The following GFOD1 variants were observed in gnomAD, a reference collection of about 807,000 sequenced individuals.
GFOD1 encodes the protein Gfo/Idh/MocA-like oxidoreductase domain containing 1.
GFOD1 carries 9 observed loss-of-function variants against 25.4 expected under a neutral mutation model. The ratio of observed to expected loss-of-function variants is 0.35; its 90% CI spans 0.21 to 0.62. The LOEUF is 0.62. GFOD1 is among the 20% of genes least tolerant of loss of function. The probability of loss-of-function intolerance (pLI) is 0.72; values close to 1 mark genes in which losing one functional copy is unlikely to be tolerated. For synonymous variants in GFOD1, 253 were observed against 245.6 expected (o/e 1.03, Z -0.28); for missense variants, 403 against 556.9 (o/e 0.72, Z 2.78).
intron 1 of GFOD1, among the ~76,000 whole-genome samples, chr6:13,452,358 C>G (rs565872213): frequency 1.3e-5 from 2 of 152,318 alleles, no homozygotes; most frequent in South Asian, 4.1e-4. Context: ...AGGAACCACA[C>G]ACTTGAAGTA....
chr6:13,422,699 T>C lies in GFOD1; in HGVS notation c.254-57037A>G, dbSNP rs561375252. ...TCCATTCAGATCATTTCCATCTAAG[T>C]AGGAAGCCTGTGTTCACCCAGATAC... On this transcript the variant is annotated intron_variant, in intron 1 of 1. Coordinates refer to ENST00000379287, the MANE Select transcript of GFOD1 (RefSeq NM_018988.4). Among the ~76,000 whole-genome samples the C allele has an allele frequency of 5.9e-5, 9 of 152,300 alleles. No homozygotes were observed. The South Asian group carries it at 1.9e-3, about 32-fold the overall frequency.
chr6:13,409,938 A>G (rs1584635572), intron 1 of GFOD1, among the ~76,000 whole-genome samples: 1 of 35,938 alleles, frequency 2.8e-5, no homozygotes, highest in African/African-American at 3.9e-5. Context: ...AAAAAAAAAA[A>G]AAGAAAGAAA....
At chr6:13,400,225 G>A (rs1346060210) in intron 1 of GFOD1, among the ~76,000 whole-genome samples, 1 of 152,196 alleles carries the variant, frequency 6.6e-6, no homozygotes, top group Admixed American at 6.5e-5. Flanking sequence ...CACATTGGGG[G>A]TGGGATAAAT....
intron 1 of GFOD1, among the ~76,000 whole-genome samples, chr6:13,473,531 C>T (rs563273881): frequency 2.0e-5 from 3 of 152,150 alleles, no homozygotes; most frequent in Non-Finnish European, 4.4e-5. Flanking sequence ...ATTTGAGATA[C>T]GAAGGGAAAG....
At chr6:13,452,233 T>A (rs1435837806) in intron 1 of GFOD1, among the ~76,000 whole-genome samples, 2 of 152,042 alleles carry the variant, frequency 1.3e-5, no homozygotes, top group African/African-American at 4.8e-5. Flanking sequence ...CTGTAGTGGG[T>A]CAACTGGAGA....
chr6:13,462,494 C>A (rs760335447), intron 1 of GFOD1, among the ~76,000 whole-genome samples: 4 of 152,172 alleles, frequency 2.6e-5, no homozygotes, highest in Non-Finnish European at 5.9e-5. Flanking sequence ...ATCTTCAGTC[C>A]GGTCAACTGT....
intron 1 of GFOD1, among the ~76,000 whole-genome samples, chr6:13,478,498 G>A (rs1457448166): frequency 6.6e-6 from 1 of 152,176 alleles, no homozygotes; most frequent in Non-Finnish European, 1.5e-5. Flanking sequence ...CACTTTTCTT[G>A]GAGAGTGCAG....
At position 13,386,430 on chromosome 6, in the gene GFOD1, T is replaced by C. The variant is rs115186239; in HGVS notation, c.254-20768A>G. ...CTGACTGTGAAGGAATCTCGCGTAC[T>C]TCGGAGGACATGCGGCTGTCCCTGC... On this transcript the variant is annotated intron_variant, in intron 1 of 1. Transcript: ENST00000379287. 9.5e-3 allele frequency among the ~76,000 whole-genome samples: 1,444 copies of C among 152,276 alleles called. 27 individuals are homozygous for C. Among genetic ancestry groups the C allele is most frequent in the African/African-American group, 0.033 (1,364 of 41,562 alleles).
Position 13,365,283 on chromosome 6 carries a change from G to A in GFOD1, c.633C>T (p.Gly211=), listed in dbSNP as rs147742016. ...AGTCATCGCTGGTGATCTGTCGGATGCCCTTGATGTGGTCAGTCTGCTTCA... is the reference window on the plus strand; with the variant it reads ...AGTCATCGCTGGTGATCTGTCGGATACCCTTGATGTGGTCAGTCTGCTTCA... The part of the protein sequence containing the change: ...TFVKQTDHIK[G]IRQITSDDFC... The change falls in exon 2 of 2, where the codon GGC becomes GGT. Residue 211 remains glycine, a synonymous_variant. Coordinates refer to ENST00000379287, the MANE Select transcript of GFOD1 (RefSeq NM_018988.4). This position sits in a 1 kb window ranked among gnomAD's most constrained non-coding sequence, Gnocchi z 9.2. 50 of 1,614,094 alleles carry A rather than the reference G, an allele frequency of 3.1e-5. No homozygotes were observed. Among genetic ancestry groups the A allele is most frequent in the Admixed American group, 2.3e-4 (14 of 60,018 alleles).
rs902349332 is a variant in GFOD1 at position 13,386,370 on chromosome 6, G to A, written c.254-20708C>T. Among the ~76,000 whole-genome samples the A allele has an allele frequency of 3.3e-5, 5 of 152,044 alleles. No individual in the cohort carries two copies. The South Asian group carries it at 6.2e-4, about 19-fold the overall frequency. On this transcript the variant is annotated intron_variant, in intron 1 of 1. Coordinates refer to ENST00000379287, the MANE Select transcript of GFOD1 (RefSeq NM_018988.4). ...TACACCTGTGCACTAGATACACACC[G>A]CGTAGGTGAAAGCTGACTCCAGGTA...
At chr6:13,389,751 T>G (rs1319007048) in intron 1 of GFOD1, among the ~76,000 whole-genome samples, 1 of 152,104 alleles carries the variant, frequency 6.6e-6, no homozygotes, top group Non-Finnish European at 1.5e-5. Flanking sequence ...ACCCTAGAAC[T>G]TAAAGTATAA....
Position 13,384,815 on chromosome 6 carries a change from T to C in GFOD1, c.254-19153A>G, listed in dbSNP as rs192013082. Among the ~76,000 whole-genome samples the C allele has an allele frequency of 1.9e-3, 289 of 152,370 alleles. 1 individual carries two copies. Among genetic ancestry groups the C allele is most frequent in the African/African-American group, 6.5e-3 (272 of 41,592 alleles). On this transcript the variant is annotated intron_variant, in intron 1 of 1. Coordinates refer to ENST00000379287, the MANE Select transcript of GFOD1 (RefSeq NM_018988.4). ...TAATCAATTGCCTCTTAAAGGGCTTTTGCGTACAAATGAAGATAGAAAATT... is the reference window on the plus strand; with the variant it reads ...TAATCAATTGCCTCTTAAAGGGCTTCTGCGTACAAATGAAGATAGAAAATT...
At chr6:13,407,104 T>C (rs1338946527) in intron 1 of GFOD1, among the ~76,000 whole-genome samples, 1 of 152,156 alleles carries the variant, frequency 6.6e-6, no homozygotes. Flanking sequence ...TAAGGCTATA[T>C]TGGGCCATGA....
In GFOD1 at chr6:13,367,759, A is replaced by G. The variant is rs201601190; in HGVS notation, c.254-2097T>C. 2.3e-4 allele frequency among the ~76,000 whole-genome samples: 34 copies of G among 145,518 alleles called. No homozygotes were observed. In the East Asian group the frequency reaches 5.6e-3, roughly 24 times the overall value. The stretch of plus-strand genomic sequence containing the variant: ...CTGGAGAAACAGCCAACTGGAGGGC[A>G]AGAAAAAAAAAAAAAAGAATGACAC... On this transcript the variant is annotated intron_variant, in intron 1 of 1. Transcript: ENST00000379287.
At chr6:13,470,732 A>C (rs1034511881) in intron 1 of GFOD1, 1 of 1,422,424 alleles carries the variant, frequency 7.0e-7, no homozygotes, top group African/African-American at 1.5e-5. Flanking sequence ...AGAGCCTGCC[A>C]GGGACACATT....
chr6:13,422,526 T>C (rs1786278075), intron 1 of GFOD1, among the ~76,000 whole-genome samples: 1 of 152,218 alleles, frequency 6.6e-6, no homozygotes, highest in Non-Finnish European at 1.5e-5. Flanking sequence ...TTTAAAATAA[T>C]GCCTTGACAA....
intron 1 of GFOD1, among the ~76,000 whole-genome samples, chr6:13,415,201 A>T (rs1010356674): frequency 1.9e-4 from 29 of 151,818 alleles, no homozygotes; most frequent in African/African-American, 5.6e-4. Context: ...CCAACACCTA[A>T]CTTTTCTCAG....
At chr6:13,458,253 G>A (rs536063195) in intron 1 of GFOD1, among the ~76,000 whole-genome samples, 4 of 152,066 alleles carry the variant, frequency 2.6e-5, no homozygotes, top group African/African-American at 9.6e-5. Context: ...GAGTAGCTGG[G>A]ATTAAAGGCA....
At chr6:13,379,748 G>C (rs115080064) in intron 1 of GFOD1, among the ~76,000 whole-genome samples, 2 of 152,270 alleles carry the variant, frequency 1.3e-5, no homozygotes, top group Non-Finnish European at 2.9e-5. Flanking sequence ...AATGCCTCTT[G>C]AGTACAACAG....
Sources: gnomAD v4.1 joint callset for allele counts (sites outside exome capture counted in the v4.1 genomes callset) on GRCh38, gnomAD v4.1.1 for gene constraint, Gnocchi (gnomAD v3.1) non-coding constraint, MANE v1.5 for transcripts, NCBI Gene and HGNC (gene_info 2026-07-23, HGNC 2026-07-21) for gene names.